OSBPL9: variants seen among roughly 807,000 people sequenced by gnomAD.
OSBPL9 encodes the protein oxysterol binding protein like 9, also known as oxysterol-binding protein-related protein 9.
A neutral mutation model predicts 106.6 loss-of-function variants in OSBPL9; 40 were observed. The observed-to-expected ratio is 0.38, with a 90% CI of 0.29 to 0.49. The LOEUF is 0.49. Among genes scored for constraint, OSBPL9 ranks in the 20% least tolerant of loss-of-function variants. The pLI is 0.97. For synonymous variants in OSBPL9, 269 were observed against 295.4 expected (o/e 0.91, Z 0.92); for missense variants, 609 against 887.2 (o/e 0.69, Z 3.98).
chr1:51,784,575 G>C lies in OSBPL9; in HGVS notation c.1822G>C (p.Glu608Gln), dbSNP rs369639185. The change falls in exon 20 of 24, where the codon GAG becomes CAG. Residue 608 changes from glutamate (E) to glutamine (Q), a missense_variant. Glu to Gln is a conservative substitution (Grantham distance 29, BLOSUM62 2). This residue lies in a region of OSBPL9 where 132 missense variants were observed against 158.1 expected (regional missense o/e 0.83). Transcript: ENST00000428468. Reference protein sequence around the residue: ...YGGKKHRITAEIFSPNDKKSF... With the variant: ...YGGKKHRITAQIFSPNDKKSF... ...GGGCAAGAAGCACAGAATTACTGCC[G>C]AGATTTTGTAGGTATTTTTTCTGCC... The C allele has an allele frequency of 1.9e-6, 3 of 1,613,880 alleles. No homozygotes were observed. Among genetic ancestry groups the C allele is most frequent in the Non-Finnish European group, 2.5e-6 (3 of 1,179,888 alleles).
intron 12 of OSBPL9, among the ~76,000 whole-genome samples, chr1:51,769,094 A>G (rs762292792): frequency 1.3e-5 from 2 of 152,100 alleles, no homozygotes; most frequent in Non-Finnish European, 2.9e-5. Context: ...CCCCAGTTCC[A>G]TATATATCTT....
At chr1:51,725,916 C>A (rs1663033927) in intron 4 of OSBPL9, among the ~76,000 whole-genome samples, 1 of 152,198 alleles carries the variant, frequency 6.6e-6, no homozygotes, top group Non-Finnish European at 1.5e-5. Context: ...GGTTTCCCTA[C>A]CACCCGTGCA....
At chr1:51,743,742 G>A (rs551158958) in intron 4 of OSBPL9, among the ~76,000 whole-genome samples, 2 of 152,188 alleles carry the variant, frequency 1.3e-5, no homozygotes, top group South Asian at 4.1e-4. Flanking sequence ...AAACAGTCCT[G>A]ATTTTTCTGT....
chr1:51,518,452 C>T, the OSBPL9 span: 1 of 152,696 alleles, frequency 6.5e-6, no homozygotes, highest in Non-Finnish European at 1.5e-5. Context: ...CAGGCGTGAG[C>T]CCCCCGAGGG....
chr1:51,788,060 C>T lies in OSBPL9; in HGVS notation c.*271C>T, dbSNP rs149057959. On this transcript the variant is annotated 3_prime_UTR_variant, in exon 24 of 24. Coordinates refer to ENST00000428468, the MANE Select transcript of OSBPL9 (RefSeq NM_024586.6). ...GTCTTCTCCTTTTCCAAACACCACA[C>T]GTTGAAAGCATTTATAAATCCAAGT... is the stretch of plus-strand genomic sequence containing the variant. 2.5e-3 allele frequency: 1,118 copies of T among 443,170 alleles called. 2 individuals are homozygous for T. The highest frequency in any genetic ancestry group is 0.02 in the African/African-American group (984 of 50,244). 27.5% of individuals were successfully genotyped at this position (443,170 alleles called of 1,614,324 possible).
chr1:51,534,529 T>C, the OSBPL9 span, among the ~76,000 whole-genome samples: 3 of 152,150 alleles, frequency 2.0e-5, no homozygotes, highest in African/African-American at 7.2e-5. Flanking sequence ...AGGAGTGGGT[T>C]GGATAGGATC....
intron 2 of OSBPL9, among the ~76,000 whole-genome samples, chr1:51,603,063 G>T (rs923777913): frequency 6.6e-6 from 1 of 152,162 alleles, no homozygotes; most frequent in African/African-American, 2.4e-5. Flanking sequence ...GTTGAAGTGG[G>T]AGAATCACTT....
intron 4 of OSBPL9, among the ~76,000 whole-genome samples, chr1:51,737,336 C>G (rs1665915994): frequency 6.6e-6 from 1 of 151,912 alleles, no homozygotes; most frequent in Non-Finnish European, 1.5e-5. Flanking sequence ...TAAAAATGTT[C>G]ATAACCTGTA....
At chr1:51,693,226 T>A (rs754033379) in intron 3 of OSBPL9, among the ~76,000 whole-genome samples, 52 of 151,542 alleles carry the variant, frequency 3.4e-4, no homozygotes, top group Non-Finnish European at 6.2e-4. Flanking sequence ...ATAAAAAAAA[T>A]TAGCCTGGCA....
chr1:51,597,580 A>G (rs1645306804), intron 1 of OSBPL9, among the ~76,000 whole-genome samples: 1 of 152,062 alleles, frequency 6.6e-6, no homozygotes, highest in Non-Finnish European at 1.5e-5. Flanking sequence ...TTGGAGGTAT[A>G]TAAGTGGTAT....
intron 2 of OSBPL9, among the ~76,000 whole-genome samples, chr1:51,658,203 G>A (rs74635780): frequency 7.9e-5 from 12 of 152,010 alleles, no homozygotes; most frequent in East Asian, 7.7e-4. Context: ...ACATTCTGGC[G>A]TTGTGACTTG....
At chr1:51,680,709 A>T (rs1652363706) in intron 3 of OSBPL9, among the ~76,000 whole-genome samples, 1 of 152,034 alleles carries the variant, frequency 6.6e-6, no homozygotes, top group Non-Finnish European at 1.5e-5. Context: ...ATAATATTTC[A>T]TTTTATAAAT....
chr1:51,661,725 AC>A (rs1396169796), intron 2 of OSBPL9, among the ~76,000 whole-genome samples: 1 of 152,234 alleles, frequency 6.6e-6, no homozygotes, highest in Admixed American at 6.5e-5. Context: ...ACAACAGAAC[AC>A]CATTTCATAT....
At chr1:51,544,951 C>A in the OSBPL9 span, among the ~76,000 whole-genome samples, 11,531 of 144,112 alleles carry the variant, frequency 0.08, 501 homozygotes, top group Non-Finnish European at 0.094. Context: ...TCAAGCAATT[C>A]TCCTGCCTCA....
intron 8 of OSBPL9, among the ~76,000 whole-genome samples, chr1:51,755,711 T>A (rs1670201420): frequency 1.3e-5 from 2 of 152,234 alleles, no homozygotes; most frequent in African/African-American, 4.8e-5. Flanking sequence ...TAGGTTAGGA[T>A]AAGCTATGCT....
intron 4 of OSBPL9, among the ~76,000 whole-genome samples, chr1:51,730,971 A>G (rs1265521053): frequency 6.6e-6 from 1 of 152,140 alleles, no homozygotes; most frequent in Non-Finnish European, 1.5e-5. Flanking sequence ...GTATTGAACT[A>G]AGTAGTTGAT....
At chr1:51,601,134 C>T (rs925461936) in intron 2 of OSBPL9, among the ~76,000 whole-genome samples, 1 of 152,194 alleles carries the variant, frequency 6.6e-6, no homozygotes, top group Non-Finnish European at 1.5e-5. Flanking sequence ...ATACTCCAGC[C>T]TGGTATATTT....
At chr1:51,615,846 T>G (rs948003493), upstream of OSBPL9, among the ~76,000 whole-genome samples, 1 of 152,090 alleles carries the variant, frequency 6.6e-6, no homozygotes, top group African/African-American at 2.4e-5. Context: ...TTTATTAAAT[T>G]ATTTGCAGTG....
the OSBPL9 span, among the ~76,000 whole-genome samples, chr1:51,530,183 A>AAAAAAAAAAAAAAAAC: frequency 9.3e-6 from 1 of 107,208 alleles, no homozygotes; most frequent in South Asian, 2.4e-4. Flanking sequence ...AAAAAAAAAA[A>AAAAAAAAAAAAAAAAC]AAAAAAAAAC....
Sources: allele counts gnomAD v4.1 joint callset (sites outside exome capture counted in the v4.1 genomes callset), GRCh38; gene constraint gnomAD v4.1.1; regional missense constraint gnomAD v4.1.1; transcripts MANE v1.5; gene names NCBI Gene and HGNC (gene_info 2026-07-23, HGNC 2026-07-21).